PCDH15: variants seen among roughly 807,000 people sequenced by gnomAD.
PCDH15 encodes protocadherin-15.
A neutral mutation model predicts 178.5 loss-of-function variants in PCDH15; 129 were observed. The ratio of observed to expected loss-of-function variants is 0.72; its 90% confidence interval spans 0.63 to 0.84. The LOEUF (loss-of-function observed/expected upper bound fraction) is 0.84, where lower values mean the gene tolerates loss of function less well. Among genes scored for constraint, PCDH15 ranks in the 40% least tolerant of loss-of-function variants. The probability of loss-of-function intolerance (pLI) is 0.00; values close to 1 mark genes in which losing one functional copy is unlikely to be tolerated. For missense variants in PCDH15, 2,230 were observed against 2,099.9 expected, an observed-to-expected ratio of 1.06 and a Z score of -1.21; for synonymous variants, 800 against 732.0, an observed-to-expected ratio of 1.09 and a Z score of -1.50.
intron 15 of PCDH15, among the ~76,000 whole-genome samples, chr10:54,092,949 A>G (rs1295135898): frequency 2.6e-5 from 4 of 152,172 alleles, no homozygotes; most frequent in African/African-American, 4.8e-5. Flanking sequence ...TGTTTCATAA[A>G]AGCCAGAAGA....
chr10:54,215,911 C>T (rs367573762), intron 9 of PCDH15, among the ~76,000 whole-genome samples: 7 of 151,804 alleles, frequency 4.6e-5, no homozygotes, highest in Non-Finnish European at 1.0e-4. Context: ...AGCCTGGTGG[C>T]GGGCGCCTGT....
At chr10:55,495,806 G>A (rs1006818598) in intron 2 of PCDH15, among the ~76,000 whole-genome samples, 3 of 151,836 alleles carry the variant, frequency 2.0e-5, no homozygotes, top group South Asian at 2.1e-4. Flanking sequence ...CATTATTCAT[G>A]ATAACCAAAG....
intron 1 of PCDH15, among the ~76,000 whole-genome samples, chr10:54,709,704 ATT>A (rs1236426929): frequency 6.8e-6 from 1 of 146,412 alleles, no homozygotes; most frequent in African/African-American, 2.5e-5. Context: ...GTATATATAT[ATT>A]ATTTATGCAG....
chr10:55,547,054 G>A (rs1841899991), intron 2 of PCDH15, among the ~76,000 whole-genome samples: 1 of 152,080 alleles, frequency 6.6e-6, no homozygotes, highest in Admixed American at 6.5e-5. Flanking sequence ...TCAGAACAAA[G>A]AATACCCATT....
intron 2 of PCDH15, among the ~76,000 whole-genome samples, chr10:55,074,465 G>T (rs1232515806): frequency 6.6e-6 from 1 of 152,144 alleles, no homozygotes; most frequent in Non-Finnish European, 1.5e-5. Context: ...AATGATCAGT[G>T]ATGTTGAGCT....
At chr10:55,222,733 ATATATATAT>A (rs1281499270) in intron 1 of PCDH15, among the ~76,000 whole-genome samples, 1 of 9,538 alleles carries the variant, frequency 1.0e-4, no homozygotes, top group Admixed American at 2.0e-3. Flanking sequence ...ACACACACAT[ATATATATAT>A]ATATATATAT....
chr10:55,015,672 G>A lies in PCDH15; in HGVS notation c.-79-118172C>T, dbSNP rs189366740. Among the ~76,000 whole-genome samples the A allele has an allele frequency of 1.4e-3, 210 of 152,250 alleles. 2 individuals carry two copies. The Middle Eastern group carries it at 0.037, about 27-fold the overall frequency. On this transcript the variant is annotated intron_variant, in intron 2 of 5. Coordinates refer to the PCDH15 transcript ENST00000458638. Reference sequence around the variant, plus strand: ...GAAGAGTTTAATATAGTAACTATGTGAAAGATTTGGACAGAGAATGAGGAA... The same window carrying A: ...GAAGAGTTTAATATAGTAACTATGTAAAAGATTTGGACAGAGAATGAGGAA...
At chr10:54,648,788 T>C (rs2094190802) in intron 2 of PCDH15, among the ~76,000 whole-genome samples, 1 of 152,144 alleles carries the variant, frequency 6.6e-6, no homozygotes, top group South Asian at 2.1e-4. Context: ...TAAAGCATTA[T>C]TAATATTTGT....
chr10:54,468,752 T>C (rs372167884), intron 3 of PCDH15, among the ~76,000 whole-genome samples: 2 of 152,296 alleles, frequency 1.3e-5, no homozygotes, highest in South Asian at 4.1e-4. Context: ...GGTACTGAAG[T>C]CCCCCAAATA....
chr10:55,332,943 G>A (rs1278221118), intron 2 of PCDH15, among the ~76,000 whole-genome samples: 1 of 152,046 alleles, frequency 6.6e-6, no homozygotes, highest in African/African-American at 2.4e-5. Context: ...TAATACACCT[G>A]CTTTTCCTTT....
chr10:55,117,567 C>T (rs1837658027), intron 2 of PCDH15, among the ~76,000 whole-genome samples: 1 of 152,128 alleles, frequency 6.6e-6, no homozygotes, highest in Non-Finnish European at 1.5e-5. Context: ...ACAGTGTCCC[C>T]ATTTGAACCG....
At chr10:54,890,273 A>G (rs1042731483) in intron 3 of PCDH15, among the ~76,000 whole-genome samples, 1 of 152,080 alleles carries the variant, frequency 6.6e-6, no homozygotes, top group African/African-American at 2.4e-5. Context: ...AAAAGAGGAA[A>G]GCTGATACAA....
chr10:54,367,818 T>G (rs1947038043), intron 5 of PCDH15, among the ~76,000 whole-genome samples: 1 of 151,592 alleles, frequency 6.6e-6, no homozygotes, highest in Admixed American at 6.6e-5. Flanking sequence ...TATGTGTATA[T>G]ATGTGTGTAT....
At chr10:53,933,871 T>TCATTATGTGATTA (rs2085317979) in intron 25 of PCDH15, among the ~76,000 whole-genome samples, 2 of 152,190 alleles carry the variant, frequency 1.3e-5, no homozygotes, top group Non-Finnish European at 1.5e-5. Context: ...CCATTCTAAC[T>TCATTATGTGATTA]GGTGTGAGAT....
At chr10:55,581,976 G>T (rs1033214414) in intron 2 of PCDH15, among the ~76,000 whole-genome samples, 2 of 152,096 alleles carry the variant, frequency 1.3e-5, no homozygotes, top group African/African-American at 4.8e-5. Context: ...AGCCTACCAA[G>T]GACCTGCGAT....
At chr10:55,409,243 C>T (rs141106043) in intron 2 of PCDH15, among the ~76,000 whole-genome samples, 460 of 152,228 alleles carry the variant, frequency 3.0e-3, no homozygotes, top group Non-Finnish European at 5.0e-3. Context: ...GCCCCGGTAG[C>T]ACCCCTAGTG....
intron 3 of PCDH15, among the ~76,000 whole-genome samples, chr10:54,513,320 G>T (rs2081897940): frequency 6.6e-6 from 1 of 151,244 alleles, no homozygotes; most frequent in Non-Finnish European, 1.5e-5. Context: ...GAGTGCAGTG[G>T]TGCAATCTCG....
chr10:54,461,912 T>C (rs995246134), intron 3 of PCDH15, among the ~76,000 whole-genome samples: 2 of 152,110 alleles, frequency 1.3e-5, no homozygotes, highest in African/African-American at 2.4e-5. Context: ...GAACTTAATA[T>C]TTAAAATATT....
At chr10:54,057,901 G>A (rs1005676693) in intron 18 of PCDH15, among the ~76,000 whole-genome samples, 2 of 152,144 alleles carry the variant, frequency 1.3e-5, no homozygotes, top group African/African-American at 4.8e-5. Context: ...CCTAGGGCAG[G>A]GGCAAAATGC....
Sources: gnomAD v4.1 joint callset for allele counts (sites outside exome capture counted in the v4.1 genomes callset) on GRCh38, gnomAD v4.1.1 for gene constraint, MANE v1.5 for transcripts, NCBI Gene and HGNC (gene_info 2026-07-23, HGNC 2026-07-21) for gene names.